The following CCDC3 variants were observed in gnomAD, a reference collection of about 807,000 sequenced individuals.
CCDC3 encodes coiled-coil domain-containing protein 3.
A neutral mutation model predicts 21.4 loss-of-function variants in CCDC3; 24 were observed. The observed-to-expected ratio is 1.12, with a 90% CI of 0.81 to 1.58. The LOEUF is 1.58. CCDC3 is among the 40% of genes most tolerant of loss of function. CCDC3 has a pLI of 0.00. For synonymous variants in CCDC3, 186 were observed against 166.0 expected (o/e 1.12, Z -0.93); for missense variants, 425 against 360.9 (o/e 1.18, Z -1.44).
At chr10:13,086,686 C>T (rs1383285784) in intron 3 of CCDC3, among the ~76,000 whole-genome samples, 6 of 151,964 alleles carry the variant, frequency 3.9e-5, no homozygotes, top group Admixed American at 1.3e-4. Flanking sequence ...GACCTCGTGA[C>T]CCGCCTGCCT....
intron 3 of CCDC3, among the ~76,000 whole-genome samples, chr10:13,079,764 T>C (rs182966907): frequency 7.4e-4 from 112 of 152,196 alleles, no homozygotes; most frequent in Middle Eastern, 3.4e-3. Context: ...CTAAGCTCCA[T>C]TCCCACTGCC....
Position 13,087,683 on chromosome 10 carries a change from ATCCTTAGATACTTAGAAGATGATACTT to A in CCDC3, c.-503+10815_-503+10841del, listed in dbSNP as rs565694364. Among the ~76,000 whole-genome samples, 1,516 of 152,280 alleles carry A rather than the reference ATCCTTAGATACTTAGAAGATGATACTT, an allele frequency of 1.0e-2. 45 individuals carry two copies. The highest frequency in any genetic ancestry group is 0.099 in the South Asian group (480 of 4,828). ...AAAAGGATAAGCTATGTTGGGGCTT[ATCCTTAGATACTTAGAAGATGATACTT>A]AGAAGTATCATCTAAGGTCAGTGGA... is the stretch of plus-strand genomic sequence containing the variant. On this transcript the variant is annotated intron_variant, in intron 3 of 6. Coordinates refer to the CCDC3 transcript ENST00000378839.
At chr10:13,033,700 T>C (rs1836336462) in intron 5 of CCDC3, among the ~76,000 whole-genome samples, 1 of 152,210 alleles carries the variant, frequency 6.6e-6, no homozygotes, top group African/African-American at 2.4e-5. Context: ...CAGACACTTC[T>C]CAAAAGAAGA....
At chr10:13,023,449 T>G (rs1244172812) in intron 5 of CCDC3, among the ~76,000 whole-genome samples, 3 of 152,144 alleles carry the variant, frequency 2.0e-5, no homozygotes, top group African/African-American at 7.2e-5. Flanking sequence ...TACCCAAAGT[T>G]GCTCAGGGTT....
intron 3 of CCDC3, among the ~76,000 whole-genome samples, chr10:13,095,027 G>A (rs373631779): frequency 6.6e-6 from 1 of 152,104 alleles, no homozygotes; most frequent in Non-Finnish European, 1.5e-5. Flanking sequence ...TTCTGATGGA[G>A]GCTTCAACCA....
chr10:12,959,279 T>C (rs1835143124), intron 2 of CCDC3, among the ~76,000 whole-genome samples: 1 of 152,064 alleles, frequency 6.6e-6, no homozygotes, highest in Non-Finnish European at 1.5e-5. Flanking sequence ...GTGATTCTCC[T>C]GCCTCAGCCT....
At chr10:12,974,187 A>G (rs1484533973) in intron 2 of CCDC3, among the ~76,000 whole-genome samples, 1 of 152,248 alleles carries the variant, frequency 6.6e-6, no homozygotes, top group African/African-American at 2.4e-5. Flanking sequence ...GCTGGATAGG[A>G]AAAGCCTGCC....
At chr10:12,929,129 G>T (rs1254644605) in intron 2 of CCDC3, among the ~76,000 whole-genome samples, 1 of 152,016 alleles carries the variant, frequency 6.6e-6, no homozygotes, top group East Asian at 1.9e-4. Context: ...GGGCGCGATG[G>T]CAGGCACCTG....
chr10:12,966,445 C>A (rs1835264245), intron 2 of CCDC3, among the ~76,000 whole-genome samples: 1 of 152,084 alleles, frequency 6.6e-6, no homozygotes. Flanking sequence ...ACCCTCACAC[C>A]CCTCCGGGAA....
chr10:12,923,133 C>A (rs1834477805), intron 2 of CCDC3, among the ~76,000 whole-genome samples: 1 of 152,142 alleles, frequency 6.6e-6, no homozygotes, highest in Non-Finnish European at 1.5e-5. Flanking sequence ...GGATAACCTT[C>A]CACAGACTCC....
rs1412596505 is a variant in CCDC3, at chr10:12,898,065, A to G, written c.*351T>C. On this transcript the variant is annotated 3_prime_UTR_variant, in exon 3 of 3. Coordinates refer to ENST00000378825, the MANE Select transcript of CCDC3 (RefSeq NM_031455.4). ...CTGATTTTTTTCTGAAATAAAGGCT[A>G]AGCACGTTGATGTCTTTTACACTAG... The G allele has an allele frequency of 1.3e-5, 3 of 227,978 alleles. No homozygotes were observed. Among genetic ancestry groups the G allele is most frequent in the African/African-American group, 4.5e-5 (2 of 44,432 alleles). 14.1% of individuals were successfully genotyped at this position (227,978 alleles called of 1,614,324 possible).
Position 12,898,239 on chromosome 10 carries a change from T to C in CCDC3, c.*177A>G. 1.3e-6 allele frequency: 1 copy of C among 759,440 alleles called. No individual in the cohort carries two copies. Among genetic ancestry groups the C allele is most frequent in the Non-Finnish European group, 2.1e-6 (1 of 483,896 alleles). The allele number at this position is 759,440 out of a possible 1,614,324, so 47.0% of individuals were successfully genotyped here. Reference sequence around the variant, plus strand: ...AAGGGGCAGCGCGTGGGGTCTGACATTGAGGCCAGCACCCAAGGGGAAAGC... The same window carrying C: ...AAGGGGCAGCGCGTGGGGTCTGACACTGAGGCCAGCACCCAAGGGGAAAGC... On this transcript the variant is annotated 3_prime_UTR_variant, in exon 3 of 3. Coordinates refer to ENST00000378825, the MANE Select transcript of CCDC3 (RefSeq NM_031455.4).
At chr10:12,992,524 G>C (rs1053281811) in intron 2 of CCDC3, among the ~76,000 whole-genome samples, 1 of 152,102 alleles carries the variant, frequency 6.6e-6, no homozygotes, top group African/African-American at 2.4e-5. Flanking sequence ...TGGAACTGGA[G>C]ACCACTATTC....
chr10:12,904,150 C>A (rs572298061), intron 2 of CCDC3, among the ~76,000 whole-genome samples: 2 of 151,960 alleles, frequency 1.3e-5, no homozygotes, highest in African/African-American at 2.4e-5. Context: ...CACTTGGCCA[C>A]GAGGACTAAC....
At chr10:12,977,664 G>C (rs1022419218) in intron 2 of CCDC3, among the ~76,000 whole-genome samples, 2 of 152,132 alleles carry the variant, frequency 1.3e-5, no homozygotes, top group Non-Finnish European at 2.9e-5. Flanking sequence ...ATAAAATCCA[G>C]GCTCACAGGA....
At chr10:13,094,074 C>T (rs1832605015) in intron 3 of CCDC3, among the ~76,000 whole-genome samples, 1 of 152,180 alleles carries the variant, frequency 6.6e-6, no homozygotes, top group Non-Finnish European at 1.5e-5. Context: ...AACATTTCAT[C>T]GGTGCTGTGC....
intron 3 of CCDC3, among the ~76,000 whole-genome samples, chr10:13,077,696 A>G (rs572526326): frequency 1.6e-4 from 24 of 152,310 alleles, no homozygotes; most frequent in African/African-American, 5.5e-4. Context: ...GCCCTCAGAA[A>G]TGATACCACA....
intron 3 of CCDC3, among the ~76,000 whole-genome samples, chr10:13,096,302 G>C (rs2131458651): frequency 6.6e-6 from 1 of 152,176 alleles, no homozygotes; most frequent in Admixed American, 6.5e-5. Flanking sequence ...TCCTGCCTCA[G>C]CCTCTCAAGT....
chr10:12,930,257 TTTC>T (rs139253220), intron 2 of CCDC3, among the ~76,000 whole-genome samples: 7,991 of 152,298 alleles, frequency 0.052, 223 homozygotes, highest in Non-Finnish European at 0.071. Flanking sequence ...TATTTTTACA[TTTC>T]TTTTCTATTT....
Sources: gnomAD v4.1 joint callset for allele counts (sites outside exome capture counted in the v4.1 genomes callset) on GRCh38, gnomAD v4.1.1 for gene constraint, MANE v1.5 for transcripts, NCBI Gene and HGNC (gene_info 2026-07-23, HGNC 2026-07-21) for gene names.